Variants in SNTG1 observed in about 807,000 individuals in gnomAD.
The protein encoded by SNTG1 is gamma-1-syntrophin.
SNTG1 carries 39 observed loss-of-function variants against 74.7 expected under a neutral mutation model. The observed-to-expected ratio is 0.52, with a 90% CI of 0.40 to 0.68. The LOEUF (loss-of-function observed/expected upper bound fraction) is 0.68. Among genes scored for constraint, SNTG1 ranks in the 30% least tolerant of loss-of-function variants. The pLI, the probability that SNTG1 is intolerant of heterozygous loss-of-function variation, is 0.00. For synonymous variants in SNTG1, 254 were observed against 217.1 expected, an observed-to-expected ratio of 1.17 and a Z score of -1.49; for missense variants, 685 against 609.5, an observed-to-expected ratio of 1.12 and a Z score of -1.30.
chr8:50,543,591 A>G (rs907790322), intron 11 of SNTG1, among the ~76,000 whole-genome samples: 1 of 152,114 alleles, frequency 6.6e-6, no homozygotes, highest in African/African-American at 2.4e-5. Context: ...AAAAAATTCA[A>G]CCTTTGAAAA....
chr8:50,085,980 CT>C (rs1172089461), intron 1 of SNTG1, among the ~76,000 whole-genome samples: 1 of 151,830 alleles, frequency 6.6e-6, no homozygotes, highest in Non-Finnish European at 1.5e-5. Flanking sequence ...TGAGGATTTA[CT>C]TTTTTGTCTT....
intron 1 of SNTG1, among the ~76,000 whole-genome samples, chr8:50,107,404 T>C (rs946384956): frequency 1.3e-5 from 2 of 152,172 alleles, no homozygotes; most frequent in African/African-American, 2.4e-5. Context: ...TAAAGGTCAA[T>C]TTTATAAAGT....
chr8:50,701,319 C>G (rs186337233), intron 15 of SNTG1, among the ~76,000 whole-genome samples: 1 of 152,278 alleles, frequency 6.6e-6, no homozygotes, highest in East Asian at 1.9e-4. Context: ...TGTCATTATA[C>G]TGTGTTCAAG....
At chr8:50,474,304 G>A (rs2093677679) in intron 8 of SNTG1, among the ~76,000 whole-genome samples, 1 of 150,238 alleles carries the variant, frequency 6.7e-6, no homozygotes, top group Non-Finnish European at 1.5e-5. Flanking sequence ...CAAAATGGGA[G>A]AAAATTTTCT....
intron 2 of SNTG1, among the ~76,000 whole-genome samples, chr8:50,308,900 G>GTT (rs200260250): frequency 1.6e-4 from 24 of 150,058 alleles, no homozygotes; most frequent in African/African-American, 5.1e-4. Context: ...ATGATGTTTT[G>GTT]TTTTTTTTTA....
At chr8:50,711,467 C>G (rs183080973) in intron 17 of SNTG1, among the ~76,000 whole-genome samples, 1 of 152,080 alleles carries the variant, frequency 6.6e-6, no homozygotes, top group Non-Finnish European at 1.5e-5. Context: ...AAGGGGTGGA[C>G]TCTATTCTGG....
At chr8:50,748,472 T>C (rs1322596817) in intron 17 of SNTG1, among the ~76,000 whole-genome samples, 5 of 152,042 alleles carry the variant, frequency 3.3e-5, no homozygotes, top group Non-Finnish European at 7.4e-5. Flanking sequence ...TATGTTTAAC[T>C]ATAACTTGCT....
intron 8 of SNTG1, among the ~76,000 whole-genome samples, chr8:50,454,472 G>T (rs1302049027): frequency 6.6e-6 from 1 of 152,006 alleles, no homozygotes; most frequent in Non-Finnish European, 1.5e-5. Context: ...ACTCCAGCCT[G>T]GGTGACAGAG....
intron 1 of SNTG1, among the ~76,000 whole-genome samples, chr8:50,060,328 C>T (rs1329813536): frequency 1.3e-5 from 2 of 152,014 alleles, no homozygotes; most frequent in African/African-American, 4.8e-5. Flanking sequence ...CTTTCACTCC[C>T]TTGATGGTGT....
chr8:50,112,324 A>G (rs1470898219), intron 1 of SNTG1, among the ~76,000 whole-genome samples: 2 of 152,056 alleles, frequency 1.3e-5, no homozygotes, highest in Non-Finnish European at 2.9e-5. Flanking sequence ...TTTACACTAA[A>G]CATATTAAAA....
chr8:50,370,492 C>T (rs2092242422), intron 2 of SNTG1, among the ~76,000 whole-genome samples: 1 of 152,126 alleles, frequency 6.6e-6, no homozygotes, highest in Non-Finnish European at 1.5e-5. Context: ...GAGGCTTCTC[C>T]ATTTTCAGTG....
rs1414589258 is a variant in SNTG1 at position 50,793,889 on chromosome 8, C to A, written c.*1060C>A. On this transcript the variant is annotated 3_prime_UTR_variant, in exon 19 of 19. Coordinates refer to ENST00000642720, the MANE Select transcript of SNTG1 (RefSeq NM_018967.5). ...ATATTTAAAGATAAAAGTTAAAATT[C>A]TTTAACCTCCCTTGTCATGGAAAGT... 2 of 151,782 alleles carry A rather than the reference C, an allele frequency of 1.3e-5. No individual in the cohort carries two copies. The highest frequency in any genetic ancestry group is 2.9e-5 in the Non-Finnish European group (2 of 67,848). The allele number at this position is 151,782 out of a possible 1,614,324, so 9.4% of individuals were successfully genotyped here. A position where few individuals can be genotyped will look rare whatever the true frequency, so the allele number is the denominator to read the frequency against.
chr8:50,628,908 C>A (rs938178062), intron 13 of SNTG1, among the ~76,000 whole-genome samples: 5 of 152,092 alleles, frequency 3.3e-5, no homozygotes, highest in African/African-American at 9.7e-5. Flanking sequence ...TTCCTGCATA[C>A]CCTCTTTCTA....
intron 1 of SNTG1, among the ~76,000 whole-genome samples, chr8:50,087,624 GC>G (rs1823018668): frequency 6.6e-6 from 1 of 151,952 alleles, no homozygotes; most frequent in Non-Finnish European, 1.5e-5. Context: ...CTGTGTGTAT[GC>G]TTAATCAAAG....
intron 8 of SNTG1, among the ~76,000 whole-genome samples, chr8:50,489,668 A>G (rs2131871303): frequency 6.6e-6 from 1 of 152,214 alleles, no homozygotes. Context: ...TAGATTCAGG[A>G]TATTAGCCCT....
intron 8 of SNTG1, among the ~76,000 whole-genome samples, chr8:50,484,595 C>T (rs1231843591): frequency 6.6e-6 from 1 of 151,688 alleles, no homozygotes; most frequent in East Asian, 2.0e-4. Context: ...CGCAGTGGCT[C>T]ATGCCTGTAA....
rs539332203 is a variant in SNTG1, at chr8:50,515,518, AC to A, written c.466+12643del. Reference sequence around the variant, plus strand: ...CAAATGGTGTAGCTCAGCAGATCCCACCCCCACGGACCCTAGCAAGCTAAGA... The same window carrying A: ...CAAATGGTGTAGCTCAGCAGATCCCACCCCACGGACCCTAGCAAGCTAAGA... On this transcript the variant is annotated intron_variant, in intron 9 of 18. Transcript: ENST00000642720. 4.8e-5 allele frequency among the ~76,000 whole-genome samples: 7 copies of A among 145,640 alleles called. No homozygotes were observed. In the South Asian group the frequency reaches 1.5e-3, roughly 32 times the overall value.
At chr8:50,307,559 T>TA (rs1253813239) in intron 2 of SNTG1, among the ~76,000 whole-genome samples, 1 of 152,108 alleles carries the variant, frequency 6.6e-6, no homozygotes, top group East Asian at 1.9e-4. Flanking sequence ...ATTTATGAAA[T>TA]AAAAAATATT....
At chr8:50,245,972 A>G (rs1033233360) in intron 2 of SNTG1, among the ~76,000 whole-genome samples, 1 of 152,022 alleles carries the variant, frequency 6.6e-6, no homozygotes, top group African/African-American at 2.4e-5. Context: ...CTAAACAATT[A>G]TAATTTCAAA....
Sources: allele counts gnomAD v4.1 joint callset (sites outside exome capture counted in the v4.1 genomes callset), GRCh38; gene constraint gnomAD v4.1.1; transcripts MANE v1.5; gene names NCBI Gene and HGNC (gene_info 2026-07-23, HGNC 2026-07-21).